Variants in PATZ1 observed in about 807,000 individuals in gnomAD.
PATZ1 encodes POZ-, AT hook-, and zinc finger-containing protein 1.
PATZ1 carries 9 observed loss-of-function variants against 46.2 expected under a neutral mutation model. The observed-to-expected ratio is 0.19, with a 90% confidence interval of 0.12 to 0.34. The LOEUF is 0.34. Ranked by LOEUF, PATZ1 falls within the 10% of genes least tolerant of loss-of-function variation. PATZ1 has a pLI of 1.00. For synonymous variants in PATZ1, 426 were observed against 378.6 expected (o/e 1.13, Z -1.45); for missense variants, 632 against 923.0 (o/e 0.68, Z 4.08).
At position 31,344,892 on chromosome 22, in the gene PATZ1, CATG is replaced by C; in HGVS notation, c.708_710del (p.Met237del). The C allele has an allele frequency of 6.2e-7, 1 of 1,613,242 alleles. No individual in the cohort carries two copies. The highest frequency in any genetic ancestry group is 8.5e-7 in the Non-Finnish European group (1 of 1,180,012). ...GTTGGGGGGATAGGGGTCCAGCCAC[CATG>C]GGCAAGCGGTCCACCCCAGGTAACA... On this transcript the variant is annotated inframe_deletion, in exon 1 of 5. Transcript: ENST00000266269.
rs774281614 is a variant in PATZ1, at chr22:31,342,862, C to A, written c.1335+35G>T. On this transcript the variant is annotated intron_variant, in intron 2 of 4. Transcript: ENST00000266269. ...TGCGACCGTGAGAACAGCATCATCT[C>A]CTTCAGCCCATCTCTGCCCTGACCC... 10 of 1,611,562 alleles carry A rather than the reference C, an allele frequency of 6.2e-6. 1 individual carries two copies. In the South Asian group the frequency reaches 7.7e-5, roughly 12 times the overall value.
chr22:31,333,145 C>T (rs1413594026), intron 3 of PATZ1, among the ~76,000 whole-genome samples: 1 of 152,216 alleles, frequency 6.6e-6, no homozygotes, highest in East Asian at 1.9e-4. Context: ...GGCTGCCTTT[C>T]CTCTTTGCCA....
In PATZ1 at chr22:31,344,786, C is replaced by T. The variant is rs2049628169; in HGVS notation, c.817G>A (p.Ala273Thr). The change falls in exon 1 of 5, where the codon GCC becomes ACC. Residue 273 changes from alanine to threonine, a missense_variant. This residue lies in a region of PATZ1 where 279 missense variants were observed against 284.3 expected (regional missense o/e 0.98). Transcript: ENST00000266269. ...GKRGRGRPRK[A>T]NLLDSMFGSP... The stretch of plus-strand genomic sequence containing the variant: ...CCAAACATTGAGTCCAGCAGGTTGG[C>T]CTTCCTTGGGCGGCCCCGGCCTCGC... 1.2e-6 allele frequency: 2 copies of T among 1,608,948 alleles called. No homozygotes were observed. The highest frequency in any genetic ancestry group is 1.7e-5 in the Admixed American group (1 of 59,602).
rs951863131 is a variant in PATZ1 at position 31,346,208 on chromosome 22, TGGC to T, written c.-609_-607del. On this transcript the variant is annotated 5_prime_UTR_variant, in exon 1 of 5. Coordinates refer to ENST00000266269, the MANE Select transcript of PATZ1 (RefSeq NM_014323.3). Reference sequence around the variant, plus strand: ...CCGGGTCCCGGAGCCTGGAGGGCGGTGGCGGCGGCGGCGGCGGCTGGAGCGGGC... The same window carrying T: ...CCGGGTCCCGGAGCCTGGAGGGCGGTGGCGGCGGCGGCGGCTGGAGCGGGC... The T allele has an allele frequency of 5.9e-4, 87 of 147,042 alleles. No homozygotes were observed. Among genetic ancestry groups the T allele is most frequent in the Non-Finnish European group, 1.1e-3 (77 of 68,386 alleles). The allele number at this position is 147,042 out of a possible 1,614,324, so 9.1% of individuals were successfully genotyped here. A position where few individuals can be genotyped will look rare whatever the true frequency, so the allele number is the denominator to read the frequency against.
intron 3 of PATZ1, among the ~76,000 whole-genome samples, chr22:31,333,665 G>C (rs1398385799): frequency 6.6e-6 from 1 of 152,036 alleles, no homozygotes; most frequent in Non-Finnish European, 1.5e-5. Flanking sequence ...TCTGGCTCTG[G>C]AACCCAGAGA....
intron 3 of PATZ1, among the ~76,000 whole-genome samples, chr22:31,334,489 A>C (rs1222979356): frequency 6.6e-6 from 1 of 152,134 alleles, no homozygotes; most frequent in Non-Finnish European, 1.5e-5. Flanking sequence ...CGGCACATGA[A>C]CACAGCACAG....
Position 31,326,669 on chromosome 22 carries a change from A to G in PATZ1, c.*222T>C, listed in dbSNP as rs1161446256. 5 of 541,108 alleles carry G rather than the reference A, an allele frequency of 9.2e-6. No homozygotes were observed. Among genetic ancestry groups the G allele is most frequent in the Non-Finnish European group, 1.6e-5 (5 of 305,650 alleles). 33.5% of individuals were successfully genotyped at this position (541,108 alleles called of 1,614,324 possible). ...GTAGTGTTTTCTGCCCCTGTCCCAT[A>G]CCAAGTCTCATTGATATTTCTGCAG... On this transcript the variant is annotated 3_prime_UTR_variant, in exon 5 of 5. Coordinates refer to ENST00000266269, the MANE Select transcript of PATZ1 (RefSeq NM_014323.3).
In PATZ1 at chr22:31,345,089, T is replaced by C. The variant is rs1444662864; in HGVS notation, c.514A>G (p.Ile172Val). Residue 172 changes from isoleucine to valine, a missense_variant, in exon 1 of 5, where the codon ATA becomes GTA. Around this residue, in one of 7 missense-constraint regions of PATZ1, gnomAD observed 279 missense variants for 284.3 expected, o/e 0.98. Transcript: ENST00000266269. This position sits in a 1 kb window ranked among gnomAD's most constrained non-coding sequence, Gnocchi z 7.4. ...QILVPPARAD[I>V]MLFRPPGTSD... is the part of the protein sequence containing the mutation. ...GTCCCAGGGGGGCGAAAGAGCATTA[T>C]ATCGGCGCGGGCAGGGGGTACCAGG... 2.5e-6 allele frequency: 4 copies of C among 1,614,088 alleles called. No homozygotes were observed. Among genetic ancestry groups the C allele is most frequent in the Non-Finnish European group, 3.4e-6 (4 of 1,180,044 alleles).
chr22:31,344,942 C>T lies in PATZ1; in HGVS notation c.661G>A (p.Ala221Thr). Residue 221 changes from alanine (A) to threonine (T), a missense_variant, in exon 1 of 5, where the codon GCA (alanine) becomes ACA (threonine). This residue lies in a region of PATZ1 where 279 missense variants were observed against 284.3 expected (regional missense o/e 0.98). Coordinates refer to ENST00000266269, the MANE Select transcript of PATZ1 (RefSeq NM_014323.3). ...EAARAAGAAI[A>T]GQASLPVLPG... ...AACACAGGCAAAGAGGCTTGGCCTG[C>T]AATGGCTGCACCAGCCGCCCGAGCT... 3 of 1,613,702 alleles carry T rather than the reference C, an allele frequency of 1.9e-6. No individual in the cohort carries two copies. The highest frequency in any genetic ancestry group is 2.5e-6 in the Non-Finnish European group (3 of 1,180,038).
rs1230779456 is a variant in PATZ1 at position 31,326,381 on chromosome 22, A to G, written c.*510T>C. 4.3e-6 allele frequency: 1 copy of G among 231,814 alleles called. No individual in the cohort carries two copies. The highest frequency in any genetic ancestry group is 2.2e-5 in the African/African-American group (1 of 45,170). The allele number at this position is 231,814 out of a possible 1,614,324, so 14.4% of individuals were successfully genotyped here. On this transcript the variant is annotated 3_prime_UTR_variant, in exon 5 of 5. Transcript: ENST00000266269. ...GGGGCTCTTGGAGGACACTCACCCCATGGTCCATGGGATGCTTCTGGCTTC... is the reference window on the plus strand; with the variant it reads ...GGGGCTCTTGGAGGACACTCACCCCGTGGTCCATGGGATGCTTCTGGCTTC...
intron 3 of PATZ1, among the ~76,000 whole-genome samples, chr22:31,332,802 A>C (rs1461049802): frequency 1.3e-5 from 2 of 152,244 alleles, no homozygotes; most frequent in African/African-American, 4.8e-5. Context: ...TTTGCATTCA[A>C]ATGTCTCTGT....
intron 3 of PATZ1, among the ~76,000 whole-genome samples, chr22:31,332,608 AG>A (rs1484949000): frequency 1.3e-5 from 2 of 152,334 alleles, no homozygotes; most frequent in Admixed American, 1.3e-4. Context: ...ACATCAATGC[AG>A]GGGTTGGGGA....
intron 2 of PATZ1, among the ~76,000 whole-genome samples, chr22:31,340,293 C>A (rs2049563934): frequency 6.6e-6 from 1 of 152,258 alleles, no homozygotes; most frequent in South Asian, 2.1e-4. Flanking sequence ...GTCTCTGTAA[C>A]TGGCCTCTTT....
At chr22:31,341,597 C>T in intron 2 of PATZ1, 1 of 1,614,164 alleles carries the variant, frequency 6.2e-7, no homozygotes. Context: ...ACGACCTCCA[C>T]AAAGCAGGCT....
At position 31,344,734 on chromosome 22, in the gene PATZ1, C is replaced by T; in HGVS notation, c.869G>A (p.Gly290Asp). The T allele has an allele frequency of 6.2e-7, 1 of 1,610,508 alleles. No homozygotes were observed. Among genetic ancestry groups the T allele is most frequent in the Non-Finnish European group, 8.5e-7 (1 of 1,177,698 alleles). ...ACCACATAGACCGCATGGAAGGATGCCTGCCTCCCTCAGGCCCCCTGGGGA... is the reference window on the plus strand; with the variant it reads ...ACCACATAGACCGCATGGAAGGATGTCTGCCTCCCTCAGGCCCCCTGGGGA... ...FGSPGGLREA[G>D]ILPCGLCGKV... The change falls in exon 1 of 5, where the codon GGC becomes GAC. Residue 290 changes from glycine to aspartate, a missense_variant. Gly to Asp is a moderately conservative substitution (Grantham distance 94). Transcript: ENST00000266269.
intron 2 of PATZ1, chr22:31,341,644 G>T (rs1488686026): frequency 1.2e-6 from 2 of 1,613,820 alleles, no homozygotes; most frequent in Non-Finnish European, 1.7e-6. Context: ...CTAGGAAGAG[G>T]TTCCAGGGGC....
At chr22:31,340,306 TTC>T (rs1195351429) in intron 2 of PATZ1, among the ~76,000 whole-genome samples, 2 of 152,224 alleles carry the variant, frequency 1.3e-5, no homozygotes, top group African/African-American at 2.4e-5. Context: ...GCCTCTTTCA[TTC>T]TCTCTGGCAT....
Position 31,328,260 on chromosome 22 carries a change from G to C in PATZ1, c.1645+527C>G, listed in dbSNP as rs2049392075. Among the ~76,000 whole-genome samples the C allele has an allele frequency of 6.6e-6, 1 of 152,190 alleles. No individual in the cohort carries two copies. Among genetic ancestry groups the C allele is most frequent in the Non-Finnish European group, 1.5e-5 (1 of 68,036 alleles). Reference sequence around the variant, plus strand: ...ACCAACTCCCAAGTCAGAGGAGTCAGATAGCTCATTATTGCCATGCATCTC... The same window carrying C: ...ACCAACTCCCAAGTCAGAGGAGTCACATAGCTCATTATTGCCATGCATCTC... On this transcript the variant is annotated intron_variant, in intron 4 of 4. Transcript: ENST00000266269. The surrounding 1 kb of genome is among the most constrained non-coding windows in gnomAD (Gnocchi z 4.8).
intron 3 of PATZ1, among the ~76,000 whole-genome samples, chr22:31,329,245 G>A (rs1193457260): frequency 6.6e-6 from 1 of 152,244 alleles, no homozygotes; most frequent in Non-Finnish European, 1.5e-5. Context: ...GGGTTGCTTG[G>A]TGCCTCAGTA....
Sources: gnomAD v4.1 joint callset for allele counts (sites outside exome capture counted in the v4.1 genomes callset) on GRCh38, gnomAD v4.1.1 for gene constraint, gnomAD v4.1.1 regional missense constraint, Gnocchi (gnomAD v3.1) non-coding constraint, MANE v1.5 for transcripts, NCBI Gene and HGNC (gene_info 2026-07-23, HGNC 2026-07-21) for gene names.